Variants in OR8G1 observed in about 807,000 individuals in gnomAD.
OR8G1 encodes olfactory receptor 8G1.
For synonymous variants in OR8G1, 129 were observed against 133.3 expected (o/e 0.97, Z 0.22); for missense variants, 372 against 356.2 (o/e 1.04, Z -0.36).
chr11:124,252,428 C>T lies in OR8G1; in HGVS notation c.*1817C>T, dbSNP rs1861874211. The T allele has an allele frequency of 6.6e-6, 1 of 152,138 alleles. No homozygotes were observed. Among genetic ancestry groups the T allele is most frequent in the Non-Finnish European group, 1.5e-5 (1 of 68,024 alleles). 9.4% of individuals were successfully genotyped at this position (152,138 alleles called of 1,614,324 possible). A position where few individuals can be genotyped will look rare whatever the true frequency, so the allele number is the denominator to read the frequency against. On this transcript the variant is annotated 3_prime_UTR_variant, in exon 3 of 3. Coordinates refer to ENST00000641972, the MANE Select transcript of OR8G1 (RefSeq NM_001002905.2). ...GACTTAAAGTTATTTCCTCAGAAAA[C>T]TCATCTCTGAAACTCAATCTGCATT...
intron 1 of OR8G1, among the ~76,000 whole-genome samples, chr11:124,242,765 A>G (rs941093988): frequency 5.9e-5 from 9 of 152,190 alleles, no homozygotes; most frequent in African/African-American, 1.2e-4. Flanking sequence ...TTCAAACCAG[A>G]TATGTTGTAC....
At position 124,250,002 on chromosome 11, in the gene OR8G1, T is replaced by C. The variant is rs758727916; in HGVS notation, c.327T>C (p.Ile109=). The part of the protein sequence containing the change: ...TQLYFFLVFA[I]AECHMLAAMA... Reference sequence around the variant, plus strand: ...TCTACTTCTTCCTCGTTTTTGCTATTGCAGAGTGTCACATGTTGGCTGCAA... The same window carrying C: ...TCTACTTCTTCCTCGTTTTTGCTATCGCAGAGTGTCACATGTTGGCTGCAA... Residue 109 remains isoleucine (I), a synonymous_variant, in exon 3 of 3, where the codon ATT becomes ATC. Transcript: ENST00000641972. 1.2e-6 allele frequency: 2 copies of C among 1,613,766 alleles called. No individual in the cohort carries two copies. The highest frequency in any genetic ancestry group is 2.7e-5 in the African/African-American group (2 of 74,900).
At position 124,250,589 on chromosome 11, in the gene OR8G1, T is replaced by C. The variant is rs1861862873; in HGVS notation, c.914T>C (p.Leu305Pro). Residue 305 changes from leucine to proline, a missense_variant, in exon 3 of 3, where the codon CTA becomes CCA. Coordinates refer to ENST00000641972, the MANE Select transcript of OR8G1 (RefSeq NM_001002905.2). ...GTCCATGTTTCCCTGAAGAAAATGCTACAGAGAAGAACATTATTGTAAACA... is the reference window on the plus strand; with the variant it reads ...GTCCATGTTTCCCTGAAGAAAATGCCACAGAGAAGAACATTATTGTAAACA... ...KDVHVSLKKM[L>P]QRRTLL 6.0e-6 allele frequency: 3 copies of C among 498,538 alleles called. 1 individual carries two copies. Among genetic ancestry groups the C allele is most frequent in the African/African-American group, 1.8e-4 (2 of 11,252 alleles). 30.9% of individuals were successfully genotyped at this position (498,538 alleles called of 1,614,324 possible). A position where few individuals can be genotyped will look rare whatever the true frequency, so the allele number is the denominator to read the frequency against.
At chr11:124,246,747 A>G (rs923225955) in intron 1 of OR8G1, among the ~76,000 whole-genome samples, 2 of 151,780 alleles carry the variant, frequency 1.3e-5, no homozygotes, top group African/African-American at 2.4e-5. Flanking sequence ...TGAAATATTT[A>G]CAAAAATTGA....
At chr11:124,246,571 G>A (rs1358970485) in intron 1 of OR8G1, among the ~76,000 whole-genome samples, 1 of 151,566 alleles carries the variant, frequency 6.6e-6, no homozygotes, top group East Asian at 1.9e-4. Context: ...ATTTTAGTGG[G>A]AGACATTGAC....
chr11:124,247,771 A>C (rs1031980409), intron 1 of OR8G1, 30 bp from the exon 2 acceptor site: 1 of 151,766 alleles, frequency 6.6e-6, no homozygotes, highest in African/African-American at 2.4e-5. Flanking sequence ...TTATGTATTC[A>C]TCTGTTGATA....
chr11:124,249,641 G>A lies in OR8G1; in HGVS notation c.-16-19G>A, dbSNP rs376965349. ...CACAACCATGGGGTTTTTTTGTTTT[G>A]TTTTTTCTCTTCCTGCAGAAACTGA... On this transcript the variant is annotated intron_variant, in intron 2 of 2. Coordinates refer to ENST00000641972, the MANE Select transcript of OR8G1 (RefSeq NM_001002905.2). 3.6e-5 allele frequency: 57 copies of A among 1,568,710 alleles called. No individual in the cohort carries two copies. The African/African-American group carries it at 7.3e-4, about 20-fold the overall frequency.
In OR8G1 at chr11:124,251,474, C is replaced by A. The variant is rs1861867045; in HGVS notation, c.*863C>A. ...TTACTTTAGAAGGTTCTTCAAGAAT[C>A]TATAATATAACTGGTAACATTCTGA... On this transcript the variant is annotated 3_prime_UTR_variant, in exon 3 of 3. Coordinates refer to ENST00000641972, the MANE Select transcript of OR8G1 (RefSeq NM_001002905.2). 2 of 706,006 alleles carry A rather than the reference C, an allele frequency of 2.8e-6. No homozygotes were observed. The highest frequency in any genetic ancestry group is 4.3e-6 in the Non-Finnish European group (2 of 467,238). The allele number at this position is 706,006 out of a possible 1,614,324, so 43.7% of individuals were successfully genotyped here. A position where few individuals can be genotyped will look rare whatever the true frequency, so the allele number is the denominator to read the frequency against.
At chr11:124,242,105 T>C (rs964522096) in intron 1 of OR8G1, among the ~76,000 whole-genome samples, 2 of 151,870 alleles carry the variant, frequency 1.3e-5, no homozygotes, top group Non-Finnish European at 2.9e-5. Flanking sequence ...TTATTATACT[T>C]TAAGTTTTAG....
intron 1 of OR8G1, among the ~76,000 whole-genome samples, chr11:124,243,435 C>T (rs555741478): frequency 2.0e-5 from 3 of 151,942 alleles, no homozygotes; most frequent in Non-Finnish European, 2.9e-5. Flanking sequence ...GCTCTGAATT[C>T]GTTCGGGAAA....
rs1374571597 is a variant in OR8G1, at chr11:124,250,237, T to G, written c.562T>G (p.Ser188Ala). ...FCDLLPLLKL[S>A]CSSIYVNKLL... ...TGATCTTCTTCCCCTCCTAAAGCTC[T>G]CTTGCTCTAGTATCTATGTCAACAA... The change falls in exon 3 of 3, where the codon TCT (serine) becomes GCT (alanine). Residue 188 changes from serine to alanine, a missense_variant. Coordinates refer to ENST00000641972, the MANE Select transcript of OR8G1 (RefSeq NM_001002905.2). The G allele has an allele frequency of 1.2e-6, 2 of 1,613,644 alleles. No homozygotes were observed. The highest frequency in any genetic ancestry group is 2.2e-5 in the South Asian group (2 of 91,086).
chr11:124,248,433 G>C (rs577033971), intron 2 of OR8G1, among the ~76,000 whole-genome samples: 1 of 151,478 alleles, frequency 6.6e-6, no homozygotes. Context: ...TTCTAAGAAA[G>C]CTTAAATTTT....
At chr11:124,248,786 G>A (rs1218259265) in intron 2 of OR8G1, among the ~76,000 whole-genome samples, 1 of 151,292 alleles carries the variant, frequency 6.6e-6, no homozygotes, top group Non-Finnish European at 1.5e-5. Flanking sequence ...ATTTGAATGA[G>A]TAAAATGGCT....
At chr11:124,247,424 G>A (rs1861822489) in intron 1 of OR8G1, among the ~76,000 whole-genome samples, 1 of 151,794 alleles carries the variant, frequency 6.6e-6, no homozygotes, top group African/African-American at 2.4e-5. Context: ...TGCAAAGTGG[G>A]CAAGCATTTT....
chr11:124,250,539 GATTTAT>G lies in OR8G1; in HGVS notation c.866_871del (p.Ile289_Tyr290del). On this transcript the variant is annotated inframe_deletion, in exon 3 of 3. Coordinates refer to ENST00000641972, the MANE Select transcript of OR8G1 (RefSeq NM_001002905.2). ...TTATTGTGCCCATGTTGAACCCTCT[GATTTAT>G]AGCCTGAGGAATAAAGATGTCCATG... 27 of 1,167,592 alleles carry G rather than the reference GATTTAT, an allele frequency of 2.3e-5. No homozygotes were observed. The highest frequency in any genetic ancestry group is 6.6e-5 in the South Asian group (3 of 45,184). The allele number at this position is 1,167,592 out of a possible 1,614,324, so 72.3% of individuals were successfully genotyped here. A position where few individuals can be genotyped will look rare whatever the true frequency, so the allele number is the denominator to read the frequency against.
In OR8G1 at chr11:124,249,699, A is replaced by G. The variant is rs757103806; in HGVS notation, c.24A>G (p.Ser8=). The stretch of plus-strand genomic sequence containing the variant: ...AGATGTCAGGAGAAAATAATTCCTC[A>G]GTGACTGAGTTCATTCTGGCTGGGC... MSGENNS[S]VTEFILAGLS... is the part of the protein sequence containing the mutation. Residue 8 remains serine, a synonymous_variant, in exon 3 of 3, where the codon TCA becomes TCG. Transcript: ENST00000641972. The G allele has an allele frequency of 2.5e-6, 4 of 1,613,318 alleles. No individual in the cohort carries two copies. In the Admixed American group the frequency reaches 5.0e-5, roughly 20 times the overall value.
At chr11:124,244,885 G>A (rs12289384) in intron 1 of OR8G1, among the ~76,000 whole-genome samples, 77,582 of 151,690 alleles carry the variant, frequency 0.51, 20,472 homozygotes, top group South Asian at 0.7. Flanking sequence ...GATCTGTTTA[G>A]ATGTTCTGTT....
In OR8G1 at chr11:124,250,295, T is replaced by A. The variant is rs1198098947; in HGVS notation, c.620T>A (p.Ile207Asn). 1.9e-6 allele frequency: 3 copies of A among 1,613,614 alleles called. No individual in the cohort carries two copies. Among genetic ancestry groups the A allele is most frequent in the Non-Finnish European group, 2.5e-6 (3 of 1,179,802 alleles). ...ATTCTATGTGTTGGTGCATTTAACA[T>A]CCTTGTCCCCAGCCTGACCATCCTT... The part of the protein sequence containing the change: ...LLILCVGAFN[I>N]LVPSLTILCS... Residue 207 changes from isoleucine (I) to asparagine (N), a missense_variant, in exon 3 of 3, where the codon ATC becomes AAC. Coordinates refer to ENST00000641972, the MANE Select transcript of OR8G1 (RefSeq NM_001002905.2).
chr11:124,241,818 C>T (rs981798993), intron 1 of OR8G1, among the ~76,000 whole-genome samples: 3 of 152,070 alleles, frequency 2.0e-5, no homozygotes, highest in Non-Finnish European at 2.9e-5. Flanking sequence ...CTGAAAGAAG[C>T]GAAGTGTTCC....
Sources: allele counts gnomAD v4.1 joint callset (sites outside exome capture counted in the v4.1 genomes callset), GRCh38; gene constraint gnomAD v4.1.1; transcripts MANE v1.5; gene names NCBI Gene and HGNC (gene_info 2026-07-23, HGNC 2026-07-21).